The following INPP5A variants were observed in gnomAD, a reference collection of about 807,000 sequenced individuals.
INPP5A encodes the protein inositol polyphosphate-5-phosphatase A, also known as 43 kDa inositol polyphosphate 5-phophatase.
In INPP5A, 14 loss-of-function variants were observed where a neutral mutation model predicts 65.2. The ratio of observed to expected loss-of-function variants is 0.21; its 90% CI spans 0.14 to 0.34. The LOEUF is 0.34. Ranked by LOEUF, INPP5A falls within the 10% of genes least tolerant of loss-of-function variation. INPP5A has a pLI of 1.00. For synonymous variants in INPP5A, 207 were observed against 208.3 expected (o/e 0.99, Z 0.05); for missense variants, 431 against 545.6 (o/e 0.79, Z 2.09).
chr10:132,665,316 G>A (rs911324724), intron 4 of INPP5A, among the ~76,000 whole-genome samples: 3 of 152,184 alleles, frequency 2.0e-5, no homozygotes, highest in Non-Finnish European at 4.4e-5. Context: ...TCACAGAAAC[G>A]CCCTTCCTAG....
At chr10:132,716,000 C>T (rs555551264) in intron 8 of INPP5A, among the ~76,000 whole-genome samples, 32 of 152,360 alleles carry the variant, frequency 2.1e-4, no homozygotes, top group East Asian at 9.6e-4. Flanking sequence ...CTCTCCAGGG[C>T]GTGGTCGGTC....
chr10:132,661,937 A>G (rs1334619134), intron 4 of INPP5A, among the ~76,000 whole-genome samples: 1 of 152,202 alleles, frequency 6.6e-6, no homozygotes, highest in Non-Finnish European at 1.5e-5. Context: ...TTTTCCACAA[A>G]GGGTGCTGTA....
At chr10:132,781,805 TGTGCTGTGCTGTCCCGCGTGCGCC>T in intron 14 of INPP5A, 32 bp from the exon 15 acceptor site, 1 of 1,408,100 alleles carries the variant, frequency 7.1e-7, no homozygotes, top group Non-Finnish European at 1.0e-6. Context: ...GGCGGCGGCA[TGTGCTGTGCTGTCCCGCGTGCGCC>T]GTGCTGACAC....
rs759697423 is a variant in INPP5A, at chr10:132,546,428, G to A, written c.75+8257G>A. Among the ~76,000 whole-genome samples, 4 of 152,040 alleles carry A rather than the reference G, an allele frequency of 2.6e-5. No homozygotes were observed. Among genetic ancestry groups the A allele is most frequent in the Non-Finnish European group, 4.4e-5 (3 of 68,000 alleles). On this transcript the variant is annotated intron_variant, in intron 1 of 15. Coordinates refer to ENST00000368594, the MANE Select transcript of INPP5A (RefSeq NM_005539.5). This position sits in a 1 kb window ranked among gnomAD's most constrained non-coding sequence, Gnocchi z 5.7. ...TACTTGAACCCTGAGCCCCTGGTGG[G>A]TCTCGGTGACCTTGAGCCGGTTGTC...
At chr10:132,617,873 A>AGTGGGCAGCAGACACATGT (rs1443549843) in intron 2 of INPP5A, among the ~76,000 whole-genome samples, 5 of 152,266 alleles carry the variant, frequency 3.3e-5, no homozygotes, top group Non-Finnish European at 7.3e-5. Flanking sequence ...GTCATCCACA[A>AGTGGGCAGCAGACACATGT]GTGGGCAGCA....
intron 6 of INPP5A, among the ~76,000 whole-genome samples, chr10:132,700,914 A>G (rs914467811): frequency 6.6e-6 from 1 of 152,178 alleles, no homozygotes; most frequent in African/African-American, 2.4e-5. Flanking sequence ...ACTCCAGATA[A>G]TGTGAGGCCA....
At chr10:132,765,993 C>T (rs575471446) in intron 12 of INPP5A, 147 bp downstream of exon 12, 7 of 654,440 alleles carry the variant, frequency 1.1e-5, no homozygotes, top group African/African-American at 1.1e-4. Context: ...AGTGTGTGTA[C>T]CATACCTGTG....
Position 132,681,995 on chromosome 10 carries a change from T to C in INPP5A, c.307-8397T>C, listed in dbSNP as rs571352751. ...GAGGTACTCGGATTAGTCAAAGTCA[T>C]GGAGACAGAAAGTACAGTGCCTGGT... is the stretch of plus-strand genomic sequence containing the variant. On this transcript the variant is annotated intron_variant, in intron 4 of 15. Transcript: ENST00000368594. Among the ~76,000 whole-genome samples the C allele has an allele frequency of 1.1e-3, 167 of 152,222 alleles. 2 individuals carry two copies. Among genetic ancestry groups the C allele is most frequent in the African/African-American group, 3.9e-3 (162 of 41,510 alleles).
intron 1 of INPP5A, among the ~76,000 whole-genome samples, chr10:132,539,765 G>A (rs990889863): frequency 2.0e-5 from 3 of 148,066 alleles, no homozygotes; most frequent in Middle Eastern, 3.5e-3. Flanking sequence ...TGATGCACGC[G>A]TGGTTTCCAT....
intron 2 of INPP5A, among the ~76,000 whole-genome samples, chr10:132,624,873 C>T (rs767814455): frequency 2.1e-4 from 32 of 152,052 alleles, no homozygotes; most frequent in Non-Finnish European, 3.8e-4. Flanking sequence ...TCCATGCCGC[C>T]GGTGCCAGGG....
chr10:132,582,103 T>C (rs1178953093), intron 1 of INPP5A, among the ~76,000 whole-genome samples: 3 of 152,136 alleles, frequency 2.0e-5, no homozygotes, highest in Non-Finnish European at 4.4e-5. Context: ...CCTCCCAAAG[T>C]GATGAGATTA....
rs2070857148 is a variant in INPP5A at position 132,537,814 on chromosome 10, G to T, written c.-283G>T. On this transcript the variant is annotated 5_prime_UTR_variant, in exon 1 of 16. Transcript: ENST00000368594. The stretch of plus-strand genomic sequence containing the variant: ...TTGCCCTCAGCCTGAGTCGGCGGCG[G>T]CTGCGGGAACTTTCCCAGCGGATCT... 1 of 369,138 alleles carries T rather than the reference G, an allele frequency of 2.7e-6. No individual in the cohort carries two copies. The highest frequency in any genetic ancestry group is 3.9e-5 in the East Asian group (1 of 25,654). 22.9% of individuals were successfully genotyped at this position (369,138 alleles called of 1,614,324 possible).
intron 8 of INPP5A, among the ~76,000 whole-genome samples, chr10:132,711,689 C>T (rs1353538149): frequency 1.3e-5 from 2 of 152,234 alleles, no homozygotes; most frequent in African/African-American, 4.8e-5. Flanking sequence ...CCTCAGACGC[C>T]GACCTTCTGT....
chr10:132,653,156 C>T (rs939276538), intron 4 of INPP5A, among the ~76,000 whole-genome samples: 15 of 152,144 alleles, frequency 9.9e-5, no homozygotes, highest in Admixed American at 2.0e-4. Context: ...TACCTGAGAG[C>T]GAGGCACACA....
In INPP5A at chr10:132,657,447, G is replaced by A. The variant is rs999103475; in HGVS notation, c.306+6942G>A. Among the ~76,000 whole-genome samples the A allele has an allele frequency of 2.6e-5, 4 of 152,224 alleles. No individual in the cohort carries two copies. In the East Asian group the frequency reaches 7.7e-4, roughly 29 times the overall value. ...GTGGAGAGTGAAGTGGGGCACAGAT[G>A]CCCTTTGCAAGTGCTGTGCACGGCA... On this transcript the variant is annotated intron_variant, in intron 4 of 15. Coordinates refer to ENST00000368594, the MANE Select transcript of INPP5A (RefSeq NM_005539.5).
chr10:132,716,227 T>TACATCCTGAACC (rs1310741456), intron 8 of INPP5A, among the ~76,000 whole-genome samples: 7 of 152,214 alleles, frequency 4.6e-5, no homozygotes, highest in African/African-American at 1.7e-4. Context: ...TGCCCCGTCC[T>TACATCCTGAACC]CCATCCTGAA....
intron 2 of INPP5A, among the ~76,000 whole-genome samples, chr10:132,625,548 G>A (rs1229107128): frequency 6.6e-6 from 1 of 152,166 alleles, no homozygotes. Context: ...AGCCCCTTGA[G>A]GCACAGGGGT....
At chr10:132,609,695 A>G (rs1315340492) in intron 2 of INPP5A, among the ~76,000 whole-genome samples, 1 of 152,142 alleles carries the variant, frequency 6.6e-6, no homozygotes, top group African/African-American at 2.4e-5. Context: ...CCCAGACTGG[A>G]GTGCAGTGTT....
chr10:132,670,155 T>G (rs1234348190), intron 4 of INPP5A, among the ~76,000 whole-genome samples: 2 of 112,892 alleles, frequency 1.8e-5, no homozygotes, highest in Non-Finnish European at 3.6e-5. Context: ...ACCCTCTGAC[T>G]GCGCACTCCC....
Sources: allele counts gnomAD v4.1 joint callset (sites outside exome capture counted in the v4.1 genomes callset), GRCh38; gene constraint gnomAD v4.1.1; non-coding constraint Gnocchi (gnomAD v3.1); transcripts MANE v1.5; gene names NCBI Gene and HGNC (gene_info 2026-07-23, HGNC 2026-07-21).